The following PDXDC1 variants were observed in gnomAD, a reference collection of about 807,000 sequenced individuals.
PDXDC1 encodes the protein pyridoxal-dependent decarboxylase domain-containing protein 1.
Under a neutral mutation model 100.1 loss-of-function variants are expected in PDXDC1, and 42 were observed. The ratio of observed to expected loss-of-function variants is 0.42; its 90% confidence interval spans 0.33 to 0.54. The LOEUF is 0.54. Ranked by LOEUF, PDXDC1 falls within the 20% of genes least tolerant of loss-of-function variation. The pLI is 0.10. For missense variants in PDXDC1, 636 were observed against 979.2 expected (o/e 0.65, Z 4.68); for synonymous variants, 260 against 371.7 (o/e 0.70, Z 3.46).
At chr16:15,057,426 C>A (rs1054163008) in intron 16 of PDXDC1, among the ~76,000 whole-genome samples, 3 of 152,188 alleles carry the variant, frequency 2.0e-5, no homozygotes, top group Non-Finnish European at 4.4e-5. Flanking sequence ...ATAACAGATA[C>A]AGTAACTTGC....
chr16:14,981,148 A>G, intron 1 of PDXDC1, among the ~76,000 whole-genome samples: 1 of 152,428 alleles, frequency 6.6e-6, no homozygotes, highest in East Asian at 1.9e-4. Flanking sequence ...TAGGCAGAAT[A>G]TTTAGCTCAG....
At chr16:15,098,478 G>T (rs576858453) in intron 16 of PDXDC1, among the ~76,000 whole-genome samples, 114 of 152,164 alleles carry the variant, frequency 7.5e-4, no homozygotes, top group African/African-American at 2.5e-3. Flanking sequence ...TGGGATTACA[G>T]GTGTGAGCCA....
At chr16:15,128,371 C>T in intron 16 of PDXDC1, 4 of 1,598,330 alleles carry the variant, frequency 2.5e-6, no homozygotes, top group South Asian at 1.1e-5. Flanking sequence ...CAGCATGATG[C>T]CCACGTGGGC....
chr16:15,008,341 A>G (rs2151422120), intron 6 of PDXDC1, among the ~76,000 whole-genome samples: 1 of 152,392 alleles, frequency 6.6e-6, no homozygotes, highest in African/African-American at 2.4e-5. Context: ...CTGCTAATCC[A>G]TATTTATTAC....
chr16:15,129,636 C>G (rs964319632), intron 16 of PDXDC1, among the ~76,000 whole-genome samples: 2 of 152,236 alleles, frequency 1.3e-5, no homozygotes, highest in African/African-American at 4.8e-5. Flanking sequence ...TGGGGCCACG[C>G]TACTGTGCAG....
At chr16:15,081,844 A>G (rs1463473134) in intron 16 of PDXDC1, among the ~76,000 whole-genome samples, 1 of 152,158 alleles carries the variant, frequency 6.6e-6, no homozygotes, top group Non-Finnish European at 1.5e-5. Flanking sequence ...TTAAATATGG[A>G]TATCCATATG....
chr16:14,982,077 C>T (rs1426295843), intron 1 of PDXDC1, among the ~76,000 whole-genome samples: 1 of 152,280 alleles, frequency 6.6e-6, no homozygotes, highest in African/African-American at 2.4e-5. Context: ...TGGGCCACTG[C>T]ACCCGGCCTA....
At chr16:15,092,046 G>A (rs1278288398) in intron 16 of PDXDC1, among the ~76,000 whole-genome samples, 1 of 152,154 alleles carries the variant, frequency 6.6e-6, no homozygotes, top group Non-Finnish European at 1.5e-5. Context: ...AGGTGTGGTG[G>A]TGTGTGCCTG....
intron 17 of PDXDC1, chr16:15,032,237 G>T (rs930662533): frequency 4.0e-5 from 12 of 301,794 alleles, no homozygotes; most frequent in South Asian, 1.6e-4. Flanking sequence ...GTAAGAAAAA[G>T]AACCCAGCTC....
chr16:15,125,922 C>G (rs2047692603), intron 16 of PDXDC1: 1 of 651,010 alleles, frequency 1.5e-6, no homozygotes, highest in Admixed American at 2.2e-5. Context: ...ACAGAATGTC[C>G]TAGAATGCTG....
At chr16:14,976,158 CT>C (rs1365636645) in intron 1 of PDXDC1, among the ~76,000 whole-genome samples, 1 of 152,298 alleles carries the variant, frequency 6.6e-6, no homozygotes, top group South Asian at 2.1e-4. Context: ...CTTTCGGTAC[CT>C]GACATTCTGC....
At chr16:15,032,652 TTAAAA>T in intron 17 of PDXDC1, 1 of 297,072 alleles carries the variant, frequency 3.4e-6, no homozygotes, top group Admixed American at 9.1e-5. Flanking sequence ...AGACCCTGCT[TTAAAA>T]AAAAAAAAAA....
intron 16 of PDXDC1, chr16:15,084,525 A>T: frequency 1.4e-6 from 1 of 699,218 alleles, no homozygotes; most frequent in Non-Finnish European, 2.4e-6. Context: ...AGTGGATACA[A>T]AAAAAACATG....
At chr16:15,144,072 C>A (rs553157417), downstream of PDXDC1, among the ~76,000 whole-genome samples, 1 of 152,166 alleles carries the variant, frequency 6.6e-6, no homozygotes, top group Non-Finnish European at 1.5e-5. Context: ...AGGCCCCATG[C>A]CCCCTGCCAG....
chr16:15,011,727 G>A (rs1479785727), intron 8 of PDXDC1, among the ~76,000 whole-genome samples: 1 of 151,794 alleles, frequency 6.6e-6, no homozygotes, highest in Non-Finnish European at 1.5e-5. Context: ...GCAGTGGTGC[G>A]ACCTTGGCTC....
intron 1 of PDXDC1, chr16:14,989,495 C>T (rs1024965651): frequency 2.5e-6 from 4 of 1,611,854 alleles, no homozygotes; most frequent in Non-Finnish European, 3.4e-6. Context: ...CGGCAGTGGG[C>T]CCCACAGTCT....
intron 16 of PDXDC1, among the ~76,000 whole-genome samples, chr16:15,064,943 G>T (rs1459159931): frequency 1.3e-5 from 2 of 152,194 alleles, no homozygotes; most frequent in Non-Finnish European, 2.9e-5. Context: ...GAGGCGGGCG[G>T]ATCACGAGGT....
chr16:15,094,960 C>G (rs889401107), intron 16 of PDXDC1: 11 of 152,394 alleles, frequency 7.2e-5, no homozygotes, highest in Admixed American at 2.0e-4. Flanking sequence ...GCCTCAGCCT[C>G]CCAAGTAGCT....
At chr16:15,083,472 A>G (rs1441279642) in intron 16 of PDXDC1, 1 of 1,605,714 alleles carries the variant, frequency 6.2e-7, no homozygotes, top group African/African-American at 1.3e-5. Context: ...AAATCGTACA[A>G]ACAACTTTTC....
Sources: gnomAD v4.1 joint callset for allele counts (sites outside exome capture counted in the v4.1 genomes callset) on GRCh38, gnomAD v4.1.1 for gene constraint, MANE v1.5 for transcripts, NCBI Gene and HGNC (gene_info 2026-07-23, HGNC 2026-07-21) for gene names.